The following RASA2 variants were observed in gnomAD, a reference collection of about 807,000 sequenced individuals.
RASA2 encodes RAS p21 protein activator 2.
A neutral mutation model predicts 118.2 loss-of-function variants in RASA2; 155 were observed. That is an observed-to-expected ratio of 1.31 (90% CI 1.15 to 1.50). The LOEUF (loss-of-function observed/expected upper bound fraction) is 1.50. Ranked by LOEUF, RASA2 falls within the 40% of genes most tolerant of loss-of-function variation. The pLI, the probability that RASA2 is intolerant of heterozygous loss-of-function variation, is 0.00. For missense variants in RASA2, 1,016 were observed against 1,009.6 expected (o/e 1.01, Z -0.09); for synonymous variants, 353 against 349.1 (o/e 1.01, Z -0.12).
At position 141,574,072 on chromosome 3, in the gene RASA2, G is replaced by C; in HGVS notation, c.1483+5G>C. Reference sequence around the variant, plus strand: ...TGGCTACTCAGAGATTTCCTAGTAAGTGCCTTGTTTTACTAAAACATGCCA... The same window carrying C: ...TGGCTACTCAGAGATTTCCTAGTAACTGCCTTGTTTTACTAAAACATGCCA... On this transcript the variant is annotated splice_donor_5th_base_variant and intron_variant, in intron 14 of 23. Coordinates refer to ENST00000286364, the MANE Select transcript of RASA2 (RefSeq NM_006506.5). The C allele has an allele frequency of 6.9e-7, 1 of 1,456,340 alleles. No homozygotes were observed. Among genetic ancestry groups the C allele is most frequent in the Non-Finnish European group, 9.1e-7 (1 of 1,094,554 alleles). 90.2% of individuals were successfully genotyped at this position (1,456,340 alleles called of 1,614,324 possible).
At chr3:141,572,100 G>A (rs548420718) in intron 11 of RASA2, among the ~76,000 whole-genome samples, 22 of 143,118 alleles carry the variant, frequency 1.5e-4, no homozygotes, top group Non-Finnish European at 2.3e-4. Flanking sequence ...TTTTTTGTTT[G>A]TTTGTTTTTA....
intron 23 of RASA2, 55 bp from the exon 24 acceptor site, chr3:141,612,228 C>T (rs2083663589): frequency 2.3e-6 from 3 of 1,288,192 alleles, no homozygotes; most frequent in African/African-American, 1.5e-5. Flanking sequence ...TATTTGTCAC[C>T]CTTTAAATTT....
intron 1 of RASA2, among the ~76,000 whole-genome samples, chr3:141,499,983 T>G (rs1177310906): frequency 1.3e-5 from 2 of 152,140 alleles, no homozygotes; most frequent in African/African-American, 2.4e-5. Context: ...GTGAGGAAAA[T>G]TGCTTGACAA....
chr3:141,580,671 T>C (rs544193556), intron 16 of RASA2, among the ~76,000 whole-genome samples: 30 of 152,038 alleles, frequency 2.0e-4, no homozygotes, highest in Non-Finnish European at 3.7e-4. Context: ...GTGTCTTTAA[T>C]CCCAGGAAGC....
chr3:141,545,549 A>C (rs2082472743), intron 5 of RASA2, among the ~76,000 whole-genome samples: 1 of 149,574 alleles, frequency 6.7e-6, no homozygotes, highest in Non-Finnish European at 1.5e-5. Flanking sequence ...CCTGGGTTCA[A>C]GTGATTCTCC....
intron 19 of RASA2, among the ~76,000 whole-genome samples, chr3:141,593,326 C>G (rs2083315099): frequency 6.6e-6 from 1 of 152,110 alleles, no homozygotes; most frequent in East Asian, 1.9e-4. Flanking sequence ...GGATTACAGG[C>G]ATGAGCCACT....
At position 141,572,674 on chromosome 3, in the gene RASA2, T is replaced by C; in HGVS notation, c.1235T>C (p.Ile412Thr). The change falls in exon 12 of 24, where the codon ATA (isoleucine) becomes ACA (threonine). Residue 412 changes from isoleucine (I) to threonine (T), a missense_variant. Ile to Thr is a moderately conservative substitution (Grantham distance 89). This residue lies in a region of RASA2 where 896 missense variants were observed against 836.4 expected (regional missense o/e 1.07). Transcript: ENST00000286364. ...ATRCLDEMMKIVGGHYLKVTL... is the reference protein window; with the variant it reads ...ATRCLDEMMKTVGGHYLKVTL... ...CGATGTCTGGATGAGATGATGAAAA[T>C]AGTGGGAGGGCACTACCTGAAAGTA... 1 of 1,613,582 alleles carries C rather than the reference T, an allele frequency of 6.2e-7. No individual in the cohort carries two copies. The highest frequency in any genetic ancestry group is 8.5e-7 in the Non-Finnish European group (1 of 1,179,702).
At position 141,571,556 on chromosome 3, in the gene RASA2, T is replaced by G; in HGVS notation, c.1169+2T>G. On this transcript the variant is annotated splice_donor_variant, in intron 11 of 23. Coordinates refer to ENST00000286364, the MANE Select transcript of RASA2 (RefSeq NM_006506.5). LOFTEE classifies it high-confidence loss of function. ...TGAATTAGACTTGAAGGATACACAG[T>G]AAGAGTTATATTTTATTAAATGTTA... The G allele has an allele frequency of 6.3e-7, 1 of 1,596,814 alleles. No individual in the cohort carries two copies. Among genetic ancestry groups the G allele is most frequent in the Non-Finnish European group, 8.5e-7 (1 of 1,171,606 alleles).
chr3:141,573,992 T>A lies in RASA2; in HGVS notation c.1408T>A (p.Ser470Thr). ...CAAGTTATTCAATACAATTGTAAAA[T>A]CAAGTATGAGCTGCCCCACTGTAAT... is the stretch of plus-strand genomic sequence containing the variant. ...VDKLFNTIVK[S>T]SMSCPTVMCD... The change falls in exon 14 of 24, where the codon TCA becomes ACA. Residue 470 changes from serine to threonine, a missense_variant. Coordinates refer to ENST00000286364, the MANE Select transcript of RASA2 (RefSeq NM_006506.5). 6.3e-7 allele frequency: 1 copy of A among 1,591,260 alleles called. No individual in the cohort carries two copies. Among genetic ancestry groups the A allele is most frequent in the South Asian group, 1.1e-5 (1 of 89,018 alleles).
At chr3:141,542,381 T>C (rs1345508568) in intron 5 of RASA2, among the ~76,000 whole-genome samples, 1 of 152,202 alleles carries the variant, frequency 6.6e-6, no homozygotes, top group East Asian at 1.9e-4. Flanking sequence ...GTTATTTGTT[T>C]CTTGCCATAA....
chr3:141,550,023 A>G (rs1268428972), intron 5 of RASA2, among the ~76,000 whole-genome samples: 1 of 152,250 alleles, frequency 6.6e-6, no homozygotes, highest in Non-Finnish European at 1.5e-5. Flanking sequence ...AATACTTGGT[A>G]GGGAGAAAGG....
chr3:141,519,798 A>T (rs1339464952), intron 3 of RASA2, among the ~76,000 whole-genome samples: 2 of 152,164 alleles, frequency 1.3e-5, no homozygotes, highest in African/African-American at 4.8e-5. Context: ...AAAGGTTGGG[A>T]CTTTTAAGAT....
chr3:141,610,341 A>G (rs1037962400), intron 23 of RASA2, among the ~76,000 whole-genome samples: 1 of 130,582 alleles, frequency 7.7e-6, no homozygotes, highest in Non-Finnish European at 1.6e-5. Context: ...TATATATTTT[A>G]TATATATTTA....
At chr3:141,521,720 T>A (rs1268148284) in intron 3 of RASA2, among the ~76,000 whole-genome samples, 1 of 151,946 alleles carries the variant, frequency 6.6e-6, no homozygotes, top group African/African-American at 2.4e-5. Context: ...ATGTTTATTC[T>A]TTCTAAGGGA....
At chr3:141,559,755 A>G in intron 8 of RASA2, 139 bp from the exon 9 acceptor site, 2 of 627,006 alleles carry the variant, frequency 3.2e-6, no homozygotes, top group Non-Finnish European at 5.6e-6. Context: ...ATAGTGAGGT[A>G]TGTATATGGT....
intron 19 of RASA2, among the ~76,000 whole-genome samples, chr3:141,599,160 C>T (rs891161118): frequency 2.0e-5 from 3 of 150,996 alleles, no homozygotes; most frequent in Non-Finnish European, 2.9e-5. Flanking sequence ...CAAAACACTC[C>T]GGAGATAAGG....
intron 20 of RASA2, 67 bp downstream of exon 20, chr3:141,607,827 G>A (rs745631825): frequency 2.7e-5 from 39 of 1,425,998 alleles, no homozygotes; most frequent in African/African-American, 5.9e-5. Context: ...TTTGTATTTC[G>A]AGGTATTTGT....
At chr3:141,511,572 C>A (rs2081950864) in intron 1 of RASA2, among the ~76,000 whole-genome samples, 1 of 152,078 alleles carries the variant, frequency 6.6e-6, no homozygotes, top group African/African-American at 2.4e-5. Context: ...ATGATGAAAA[C>A]AGAGAAGTGA....
intron 3 of RASA2, among the ~76,000 whole-genome samples, chr3:141,520,746 T>A (rs1392376142): frequency 6.6e-6 from 1 of 152,228 alleles, no homozygotes; most frequent in African/African-American, 2.4e-5. Flanking sequence ...TATTCTAATT[T>A]AAATATGTAA....
Sources: allele counts gnomAD v4.1 joint callset (sites outside exome capture counted in the v4.1 genomes callset), GRCh38; gene constraint gnomAD v4.1.1; regional missense constraint gnomAD v4.1.1; transcripts MANE v1.5; gene names NCBI Gene and HGNC (gene_info 2026-07-23, HGNC 2026-07-21).